The following LUZP2 variants were observed in gnomAD, a reference collection of about 807,000 sequenced individuals.
The protein encoded by LUZP2 is leucine zipper protein 2.
LUZP2 carries 52 observed loss-of-function variants against 51.6 expected under a neutral mutation model. That is an observed-to-expected ratio of 1.01 (90% CI 0.81 to 1.27). LUZP2 has a LOEUF of 1.27. LUZP2 is among the 50% of genes most tolerant of loss of function. The pLI is 0.00. For missense variants in LUZP2, 436 were observed against 395.4 expected, an observed-to-expected ratio of 1.10 and a Z score of -0.87; for synonymous variants, 154 against 137.3, an observed-to-expected ratio of 1.12 and a Z score of -0.85.
At chr11:24,965,854 G>T (rs1855568238) in intron 7 of LUZP2, among the ~76,000 whole-genome samples, 1 of 151,616 alleles carries the variant, frequency 6.6e-6, no homozygotes, top group African/African-American at 2.4e-5. Flanking sequence ...AGCACCCAAG[G>T]AATCATAAAT....
intron 5 of LUZP2, among the ~76,000 whole-genome samples, chr11:24,854,202 T>C (rs557610206): frequency 5.3e-4 from 81 of 152,216 alleles, no homozygotes; most frequent in Non-Finnish European, 8.2e-4. Context: ...TATTTAAGTC[T>C]GTTGAAGCTG....
chr11:24,884,094 A>C (rs1487290920), intron 5 of LUZP2, among the ~76,000 whole-genome samples: 3 of 151,980 alleles, frequency 2.0e-5, no homozygotes, highest in Admixed American at 2.0e-4. Flanking sequence ...GAATTAACTG[A>C]TCTTTCCTAA....
chr11:24,938,336 T>A (rs985524068), intron 7 of LUZP2, among the ~76,000 whole-genome samples: 4 of 152,202 alleles, frequency 2.6e-5, no homozygotes, highest in Non-Finnish European at 2.9e-5. Flanking sequence ...TGACCATTTG[T>A]CTGGAAACAG....
At chr11:24,678,482 TATTTA>T (rs1856637982) in intron 1 of LUZP2, among the ~76,000 whole-genome samples, 4 of 151,970 alleles carry the variant, frequency 2.6e-5, no homozygotes, top group Admixed American at 1.3e-4. Context: ...CTAAATCAAA[TATTTA>T]ATTTGACACT....
intron 1 of LUZP2, among the ~76,000 whole-genome samples, chr11:24,672,730 A>G (rs1333599152): frequency 6.6e-6 from 1 of 152,204 alleles, no homozygotes; most frequent in Non-Finnish European, 1.5e-5. Flanking sequence ...GGTATAGTCA[A>G]CTACACACCT....
At chr11:24,669,811 C>T (rs2133999283) in intron 1 of LUZP2, among the ~76,000 whole-genome samples, 1 of 152,044 alleles carries the variant, frequency 6.6e-6, no homozygotes, top group African/African-American at 2.4e-5. Flanking sequence ...TGGCTTAGGT[C>T]ATGAATCTTA....
At chr11:24,763,051 G>T (rs947753069) in intron 4 of LUZP2, 195 bp from the exon 5 acceptor site, 1 of 607,336 alleles carries the variant, frequency 1.6e-6, no homozygotes. Flanking sequence ...AATGAAAAAA[G>T]ATATTTTAAT....
At position 24,531,436 on chromosome 11, in the gene LUZP2, A is replaced by G. The variant is rs140764639; in HGVS notation, c.62+34131A>G. On this transcript the variant is annotated intron_variant, in intron 1 of 11. Transcript: ENST00000336930. ...CATTTATCATTTCTTTGTGTTGACA[A>G]CATTCAAAATTCATTCTCCTAGTTT... 3.2e-4 allele frequency among the ~76,000 whole-genome samples: 49 copies of G among 151,036 alleles called. 1 individual carries two copies. Among genetic ancestry groups the G allele is most frequent in the African/African-American group, 1.1e-3 (47 of 41,436 alleles).
chr11:24,552,659 C>A (rs538489084), intron 1 of LUZP2, among the ~76,000 whole-genome samples: 1 of 151,752 alleles, frequency 6.6e-6, no homozygotes, highest in Non-Finnish European at 1.5e-5. Context: ...TCTATAACAG[C>A]GAACATAAAA....
intron 5 of LUZP2, among the ~76,000 whole-genome samples, chr11:24,864,420 G>A (rs1851826901): frequency 6.6e-6 from 1 of 152,160 alleles, no homozygotes; most frequent in Non-Finnish European, 1.5e-5. Flanking sequence ...CATTCAAACA[G>A]ACTCAGAAAT....
chr11:25,053,112 A>C (rs574407473), intron 10 of LUZP2, among the ~76,000 whole-genome samples: 1 of 152,262 alleles, frequency 6.6e-6, no homozygotes, highest in East Asian at 1.9e-4. Flanking sequence ...TCACAGAAAC[A>C]ATTGGGAACA....
intron 9 of LUZP2, among the ~76,000 whole-genome samples, chr11:25,003,973 C>G (rs1011100262): frequency 6.6e-6 from 1 of 152,172 alleles, no homozygotes; most frequent in African/African-American, 2.4e-5. Flanking sequence ...CCCAGGATTC[C>G]TCGGATGGTA....
At chr11:24,860,299 G>T (rs1241949042) in intron 5 of LUZP2, among the ~76,000 whole-genome samples, 2 of 152,156 alleles carry the variant, frequency 1.3e-5, no homozygotes, top group Non-Finnish European at 2.9e-5. Context: ...TGATCTCCCT[G>T]AGTCTGAGCC....
chr11:24,682,584 A>G (rs1856772306), intron 1 of LUZP2, among the ~76,000 whole-genome samples: 1 of 145,190 alleles, frequency 6.9e-6, no homozygotes, highest in South Asian at 2.1e-4. Context: ...TTATATATAT[A>G]TATGTGTGTG....
At position 24,602,214 on chromosome 11, in the gene LUZP2, A is replaced by G. The variant is rs200198386; in HGVS notation, c.62+104909A>G. Among the ~76,000 whole-genome samples the G allele has an allele frequency of 1.6e-4, 16 of 101,010 alleles. 1 individual carries two copies. The highest frequency in any genetic ancestry group is 9.3e-4 in the East Asian group (2 of 2,158). 66.3% of individuals were successfully genotyped at this position (101,010 alleles called of 152,430 possible). A position where few individuals can be genotyped will look rare whatever the true frequency, so the allele number is the denominator to read the frequency against. On this transcript the variant is annotated intron_variant, in intron 1 of 11. Coordinates refer to ENST00000336930, the MANE Select transcript of LUZP2 (RefSeq NM_001009909.4). ...TATATATGTACATATATGTGTATATATGTATATATGTACATATATGTGTAT... is the reference window on the plus strand; with the variant it reads ...TATATATGTACATATATGTGTATATGTGTATATATGTACATATATGTGTAT...
intron 10 of LUZP2, among the ~76,000 whole-genome samples, chr11:25,066,790 T>A (rs1859007616): frequency 6.6e-6 from 1 of 151,894 alleles, no homozygotes; most frequent in Non-Finnish European, 1.5e-5. Context: ...AATAAAGGGG[T>A]AAATGCCATT....
At chr11:24,500,277 G>C (rs997870508) in intron 1 of LUZP2, among the ~76,000 whole-genome samples, 2 of 152,062 alleles carry the variant, frequency 1.3e-5, no homozygotes, top group African/African-American at 4.8e-5. Flanking sequence ...TAATGTCCTG[G>C]CATATGGTCT....
At chr11:24,764,099 A>G (rs1860090064) in intron 5 of LUZP2, among the ~76,000 whole-genome samples, 1 of 152,214 alleles carries the variant, frequency 6.6e-6, no homozygotes, top group African/African-American at 2.4e-5. Context: ...CTCAAATCAA[A>G]AAATGCTCAC....
At chr11:24,879,457 T>C (rs1852382996) in intron 5 of LUZP2, among the ~76,000 whole-genome samples, 1 of 152,188 alleles carries the variant, frequency 6.6e-6, no homozygotes, top group African/African-American at 2.4e-5. Flanking sequence ...CTGTGCCAAA[T>C]GGTATTTCTG....
Sources: gnomAD v4.1 joint callset for allele counts (sites outside exome capture counted in the v4.1 genomes callset) on GRCh38, gnomAD v4.1.1 for gene constraint, MANE v1.5 for transcripts, NCBI Gene and HGNC (gene_info 2026-07-23, HGNC 2026-07-21) for gene names.